PXDNL: variants seen among roughly 807,000 people sequenced by gnomAD.
PXDNL encodes peroxidasin like, also known as probable oxidoreductase PXDNL.
Under a neutral mutation model 150.8 loss-of-function variants are expected in PXDNL, and 145 were observed. The ratio of observed to expected loss-of-function variants is 0.96; its 90% confidence interval spans 0.84 to 1.10. PXDNL has a LOEUF of 1.10. PXDNL is among the 50% of genes least tolerant of loss of function. The probability of loss-of-function intolerance (pLI) is 0.00; values close to 1 mark genes in which losing one functional copy is unlikely to be tolerated. For missense variants in PXDNL, 2,087 were observed against 1,873.9 expected (o/e 1.11, Z -2.10); for synonymous variants, 757 against 725.7 (o/e 1.04, Z -0.69).
chr8:51,439,845 A>G (rs953834867), intron 12 of PXDNL, among the ~76,000 whole-genome samples: 1 of 141,316 alleles, frequency 7.1e-6, no homozygotes, highest in African/African-American at 2.6e-5. Context: ...AAAAAAAAAG[A>G]ATTAAAACTA....
At chr8:51,693,310 A>G (rs955376076) in intron 1 of PXDNL, among the ~76,000 whole-genome samples, 1 of 152,224 alleles carries the variant, frequency 6.6e-6, no homozygotes, top group Admixed American at 6.5e-5. Context: ...TCTAAGCTCT[A>G]AATCACTGCT....
intron 17 of PXDNL, among the ~76,000 whole-genome samples, chr8:51,395,378 G>C (rs1808049672): frequency 6.6e-6 from 1 of 152,274 alleles, no homozygotes; most frequent in East Asian, 1.9e-4. Flanking sequence ...CACTTGTGCT[G>C]CCTCTCCCTC....
chr8:51,643,559 C>G (rs1341798917), intron 2 of PXDNL, among the ~76,000 whole-genome samples: 2 of 152,188 alleles, frequency 1.3e-5, no homozygotes, highest in Non-Finnish European at 2.9e-5. Flanking sequence ...GGATTAAAGA[C>G]TTAAATGTTA....
chr8:51,694,094 C>T (rs140816177), intron 1 of PXDNL, among the ~76,000 whole-genome samples: 1 of 152,258 alleles, frequency 6.6e-6, no homozygotes, highest in Non-Finnish European at 1.5e-5. Flanking sequence ...GCCTAGTATC[C>T]TGCGGAAAAA....
At chr8:51,577,609 T>A (rs898662870) in intron 3 of PXDNL, among the ~76,000 whole-genome samples, 2 of 147,706 alleles carry the variant, frequency 1.4e-5, no homozygotes, top group East Asian at 2.0e-4. Context: ...TATATATATA[T>A]AATCAGGCTA....
intron 19 of PXDNL, among the ~76,000 whole-genome samples, chr8:51,363,045 A>T (rs1255884414): frequency 6.6e-6 from 1 of 152,124 alleles, no homozygotes; most frequent in Non-Finnish European, 1.5e-5. Context: ...CAGTTCCTAG[A>T]ACAGCAGCTA....
intron 3 of PXDNL, among the ~76,000 whole-genome samples, chr8:51,587,669 A>G (rs374084228): frequency 2.2e-4 from 33 of 152,334 alleles, no homozygotes; most frequent in African/African-American, 7.7e-4. Flanking sequence ...CACGCTATAA[A>G]TAATTGATAA....
chr8:51,687,014 G>A (rs9650303), intron 1 of PXDNL, among the ~76,000 whole-genome samples: 81,170 of 151,896 alleles, frequency 0.53, 26,342 homozygotes, highest in Non-Finnish European at 0.7. Context: ...ATTAATTTTA[G>A]ACTTAAGAAA....
At chr8:51,400,518 T>C (rs1808215767) in intron 17 of PXDNL, among the ~76,000 whole-genome samples, 1 of 152,186 alleles carries the variant, frequency 6.6e-6, no homozygotes, top group Non-Finnish European at 1.5e-5. Flanking sequence ...CTTTAAGGCG[T>C]TAAATTATTT....
At chr8:51,324,015 G>A (rs1231458986) in intron 21 of PXDNL, among the ~76,000 whole-genome samples, 1 of 152,020 alleles carries the variant, frequency 6.6e-6, no homozygotes, top group Non-Finnish European at 1.5e-5. Flanking sequence ...TTTTATTCCA[G>A]GCTTAACTAA....
At chr8:51,368,488 AT>A (rs1012023855) in intron 19 of PXDNL, among the ~76,000 whole-genome samples, 7 of 152,194 alleles carry the variant, frequency 4.6e-5, no homozygotes, top group African/African-American at 9.7e-5. Flanking sequence ...TGGTATCAGT[AT>A]TAACCAGTAA....
intron 17 of PXDNL, among the ~76,000 whole-genome samples, chr8:51,385,789 C>CA (rs1480097087): frequency 6.6e-6 from 1 of 152,154 alleles, no homozygotes; most frequent in Non-Finnish European, 1.5e-5. Flanking sequence ...GAGTAAGTCT[C>CA]ACAAGAGCTA....
At chr8:51,555,946 C>A (rs1224570930) in intron 4 of PXDNL, among the ~76,000 whole-genome samples, 3 of 151,992 alleles carry the variant, frequency 2.0e-5, no homozygotes, top group African/African-American at 7.2e-5. Context: ...CTAAAAAGTA[C>A]ACTAAGATAG....
At chr8:51,763,808 A>C in intron 1 of PXDNL, among the ~76,000 whole-genome samples, 1 of 152,230 alleles carries the variant, frequency 6.6e-6, no homozygotes, top group Non-Finnish European at 1.5e-5. Context: ...ATGTTGTAGC[A>C]TGAATTAATA....
intron 6 of PXDNL, among the ~76,000 whole-genome samples, chr8:51,480,650 A>C (rs1380427960): frequency 6.6e-6 from 1 of 152,172 alleles, no homozygotes; most frequent in Non-Finnish European, 1.5e-5. Context: ...AATTGTAAAA[A>C]TCCCTACATG....
chr8:51,705,147 T>C (rs150377447), intron 1 of PXDNL, among the ~76,000 whole-genome samples: 157 of 152,300 alleles, frequency 1.0e-3, no homozygotes, highest in African/African-American at 3.7e-3. Context: ...AAGCTTTGAT[T>C]CTCAGGCATG....
intron 1 of PXDNL, among the ~76,000 whole-genome samples, chr8:51,680,157 A>G (rs1007192067): frequency 1.3e-5 from 2 of 152,204 alleles, no homozygotes; most frequent in Admixed American, 6.5e-5. Context: ...ATGACCTAGC[A>G]CTGTGATCTC....
intron 5 of PXDNL, among the ~76,000 whole-genome samples, chr8:51,486,799 T>TTA: frequency 1.7e-5 from 1 of 58,768 alleles, no homozygotes; most frequent in Non-Finnish European, 3.0e-5. Context: ...TATATATTTT[T>TTA]TTTTTTTTTT....
At chr8:51,637,129 G>T (rs557802656) in intron 2 of PXDNL, among the ~76,000 whole-genome samples, 5 of 152,294 alleles carry the variant, frequency 3.3e-5, no homozygotes, top group Non-Finnish European at 7.3e-5. Context: ...GCAGCTGAGG[G>T]TCCTGACTAT....
Sources: gnomAD v4.1 joint callset for allele counts (sites outside exome capture counted in the v4.1 genomes callset) on GRCh38, gnomAD v4.1.1 for gene constraint, MANE v1.5 for transcripts, NCBI Gene and HGNC (gene_info 2026-07-23, HGNC 2026-07-21) for gene names.